Variants in DIP2C observed in about 807,000 individuals in gnomAD.
The protein encoded by DIP2C is disco-interacting protein 2 homolog C.
In DIP2C, 33 loss-of-function variants were observed where a neutral mutation model predicts 192.4. The observed-to-expected ratio is 0.17, with a 90% CI of 0.13 to 0.23. The LOEUF (loss-of-function observed/expected upper bound fraction) is 0.23. DIP2C is among the 10% of genes least tolerant of loss of function. The probability of loss-of-function intolerance (pLI) is 1.00; values close to 1 mark genes in which losing one functional copy is unlikely to be tolerated. For synonymous variants in DIP2C, 979 were observed against 864.1 expected, an observed-to-expected ratio of 1.13 and a Z score of -2.33; for missense variants, 1,537 against 2,110.1, an observed-to-expected ratio of 0.73 and a Z score of 5.32.
intron 1 of DIP2C, among the ~76,000 whole-genome samples, chr10:609,561 T>C (rs374602053): frequency 2.0e-5 from 3 of 152,192 alleles, no homozygotes; most frequent in African/African-American, 7.2e-5. Context: ...ATGTAAGTCA[T>C]CTCCTTTATC....
At chr10:662,758 CTTA>C in intron 1 of DIP2C, 1 of 650,954 alleles carries the variant, frequency 1.5e-6, no homozygotes, top group Non-Finnish European at 2.9e-6. Flanking sequence ...TCTAACTTAT[CTTA>C]TTTCTCTTGT....
At chr10:600,743 C>A (rs1852014877) in intron 1 of DIP2C, among the ~76,000 whole-genome samples, 1 of 152,232 alleles carries the variant, frequency 6.6e-6, no homozygotes, top group Admixed American at 6.5e-5. Context: ...TTTCATTCTC[C>A]AAACTATTCA....
chr10:503,231 G>A (rs897389787), intron 1 of DIP2C, among the ~76,000 whole-genome samples: 8 of 152,040 alleles, frequency 5.3e-5, no homozygotes, highest in African/African-American at 1.7e-4. Context: ...ACCGACCTGC[G>A]GACTTATCAT....
Position 543,177 on chromosome 10 carries a change from C to T in DIP2C, c.86-56647G>A, listed in dbSNP as rs568729716. ...CACCAGTCTTCGCAAGGATCGTGTTCCTGAATCTTCTGCGTTAGGAATAAC... is the reference window on the plus strand; with the variant it reads ...CACCAGTCTTCGCAAGGATCGTGTTTCTGAATCTTCTGCGTTAGGAATAAC... On this transcript the variant is annotated intron_variant, in intron 1 of 36. Transcript: ENST00000280886. Among the ~76,000 whole-genome samples, 4 of 152,338 alleles carry T rather than the reference C, an allele frequency of 2.6e-5. No individual in the cohort carries two copies. The East Asian group carries it at 7.7e-4, about 29-fold the overall frequency.
chr10:430,853 T>C (rs1037025717), intron 4 of DIP2C, among the ~76,000 whole-genome samples: 6 of 152,238 alleles, frequency 3.9e-5, no homozygotes, highest in Non-Finnish European at 7.3e-5. Flanking sequence ...ACTATACTAA[T>C]GAGGACAGTG....
chr10:617,271 T>C (rs942901353), intron 1 of DIP2C, among the ~76,000 whole-genome samples: 2 of 144,856 alleles, frequency 1.4e-5, no homozygotes, highest in Non-Finnish European at 3.0e-5. Flanking sequence ...GGACTGCAAA[T>C]AGCAGCGGGG....
intron 13 of DIP2C, among the ~76,000 whole-genome samples, chr10:388,887 C>CT (rs1963211265): frequency 6.6e-6 from 1 of 152,120 alleles, no homozygotes. Context: ...GTCAGGGAGC[C>CT]TCAGGGGGTC....
In DIP2C at chr10:450,968, T is replaced by C. The variant is rs184840302; in HGVS notation, c.269-9972A>G. Among the ~76,000 whole-genome samples the C allele has an allele frequency of 1.6e-4, 24 of 152,232 alleles. No individual in the cohort carries two copies. In the East Asian group the frequency reaches 4.4e-3, roughly 28 times the overall value. ...ATGTATATGTCCATATGTGTGGGTATAAAATATACTGTCTATGCCTCAATA... is the reference window on the plus strand; with the variant it reads ...ATGTATATGTCCATATGTGTGGGTACAAAATATACTGTCTATGCCTCAATA... On this transcript the variant is annotated intron_variant, in intron 3 of 36. Coordinates refer to ENST00000280886, the MANE Select transcript of DIP2C (RefSeq NM_014974.3).
chr10:510,973 C>T (rs1312735334), intron 1 of DIP2C, among the ~76,000 whole-genome samples: 3 of 152,208 alleles, frequency 2.0e-5, no homozygotes, highest in Non-Finnish European at 4.4e-5. Flanking sequence ...AACCTATTTT[C>T]TCCTGAATAT....
intron 1 of DIP2C, among the ~76,000 whole-genome samples, chr10:678,281 T>C (rs1228369053): frequency 6.6e-6 from 1 of 152,158 alleles, no homozygotes; most frequent in African/African-American, 2.4e-5. Flanking sequence ...TAGGCCATCC[T>C]TCCCAGCTTT....
chr10:427,737 C>G (rs1184338976), intron 4 of DIP2C, among the ~76,000 whole-genome samples: 1 of 152,124 alleles, frequency 6.6e-6, no homozygotes, highest in East Asian at 1.9e-4. Flanking sequence ...ATTAGAATGG[C>G]AAAAATAAAA....
chr10:325,847 A>G (rs530365751), intron 31 of DIP2C, among the ~76,000 whole-genome samples: 3 of 152,280 alleles, frequency 2.0e-5, no homozygotes, highest in Non-Finnish European at 4.4e-5. Context: ...TAATAATTAA[A>G]AGAGAAGCAA....
At chr10:599,641 C>A (rs879518423) in intron 1 of DIP2C, among the ~76,000 whole-genome samples, 1 of 152,176 alleles carries the variant, frequency 6.6e-6, no homozygotes, top group Non-Finnish European at 1.5e-5. Flanking sequence ...TTCCAGGTAA[C>A]CCAGCACCCT....
intron 1 of DIP2C, among the ~76,000 whole-genome samples, chr10:503,157 A>G (rs575035516): frequency 6.6e-6 from 1 of 152,186 alleles, no homozygotes; most frequent in Non-Finnish European, 1.5e-5. Flanking sequence ...CAATTCCAAC[A>G]TAAATTCCGC....
chr10:296,535 T>C (rs1332490837), intron 32 of DIP2C, among the ~76,000 whole-genome samples: 1 of 152,188 alleles, frequency 6.6e-6, no homozygotes, highest in Non-Finnish European at 1.5e-5. Flanking sequence ...ATCCCATTAC[T>C]GGGTATATAC....
In DIP2C at chr10:615,553, A is replaced by G. The variant is rs1476386460; in HGVS notation, c.85+73941T>C. 1.3e-5 allele frequency among the ~76,000 whole-genome samples: 2 copies of G among 152,166 alleles called. 1 individual carries two copies. The highest frequency in any genetic ancestry group is 1.3e-4 in the Admixed American group (2 of 15,280). The stretch of plus-strand genomic sequence containing the variant: ...CTCAGGGTTAGGGTCAGAGTCATCA[A>G]ATTCACCAGTTTTACAAAACGTCTA... On this transcript the variant is annotated intron_variant, in intron 1 of 36. Coordinates refer to ENST00000280886, the MANE Select transcript of DIP2C (RefSeq NM_014974.3).
chr10:654,583 G>A (rs1856163961), intron 1 of DIP2C, among the ~76,000 whole-genome samples: 1 of 152,184 alleles, frequency 6.6e-6, no homozygotes, highest in Non-Finnish European at 1.5e-5. Context: ...ATCCTACACA[G>A]AGTATACAGA....
intron 1 of DIP2C, among the ~76,000 whole-genome samples, chr10:560,206 G>A (rs1057056838): frequency 1.3e-5 from 2 of 152,282 alleles, no homozygotes; most frequent in African/African-American, 4.8e-5. Context: ...GCAGAGAGCA[G>A]TCCTCGGGAT....
intron 23 of DIP2C, among the ~76,000 whole-genome samples, chr10:357,201 C>T (rs1016624883): frequency 2.6e-5 from 4 of 152,230 alleles, no homozygotes; most frequent in Admixed American, 1.3e-4. Flanking sequence ...GAAGGCCGAA[C>T]GGTTCTAATG....
Sources: allele counts gnomAD v4.1 joint callset (sites outside exome capture counted in the v4.1 genomes callset), GRCh38; gene constraint gnomAD v4.1.1; transcripts MANE v1.5; gene names NCBI Gene and HGNC (gene_info 2026-07-23, HGNC 2026-07-21).